Variants in QARS1 observed in about 807,000 individuals in gnomAD.
The protein encoded by QARS1 is glutaminyl-tRNA synthetase 1.
QARS1 carries 79 observed loss-of-function variants against 106.9 expected under a neutral mutation model. That is an observed-to-expected ratio of 0.74 (90% CI 0.62 to 0.89). The LOEUF (loss-of-function observed/expected upper bound fraction) is 0.89, where lower values mean the gene tolerates loss of function less well. Among genes scored for constraint, QARS1 ranks in the 40% least tolerant of loss-of-function variants. QARS1 has a pLI of 0.00. For synonymous variants in QARS1, 395 were observed against 367.7 expected, an observed-to-expected ratio of 1.07 and a Z score of -0.85; for missense variants, 966 against 997.2, an observed-to-expected ratio of 0.97 and a Z score of 0.42.
rs562453484 is a variant in QARS1 at position 49,098,077 on chromosome 3, G to C, written c.2192C>G (p.Ser731Cys). Reference protein sequence around the residue: ...HVVDAALVDCSVALAKPFDKF... With the variant: ...HVVDAALVDCCVALAKPFDKF... ...GTCGAAGGGTTTTGCCAGGGCCACAGAGCAGTCCACTAATGCTGCATCCAC... is the reference window on the plus strand; with the variant it reads ...GTCGAAGGGTTTTGCCAGGGCCACACAGCAGTCCACTAATGCTGCATCCAC... The change falls in exon 23 of 24, where the codon TCT (serine) becomes TGT (cysteine). Residue 731 changes from serine to cysteine, a missense_variant. By Grantham distance (112) the Ser-to-Cys change is moderately radical. Transcript: ENST00000306125. The C allele has an allele frequency of 3.7e-6, 6 of 1,614,180 alleles. No individual in the cohort carries two copies. In the South Asian group the frequency reaches 4.4e-5, roughly 12 times the overall value.
Position 49,104,626 on chromosome 3 carries a change from G to A in QARS1, c.108C>T (p.Ala36=), listed in dbSNP as rs1411622846. 3 of 1,603,058 alleles carry A rather than the reference G, an allele frequency of 1.9e-6. No homozygotes were observed. Among genetic ancestry groups the A allele is most frequent in the Non-Finnish European group, 2.6e-6 (3 of 1,171,760 alleles). The part of the protein sequence containing the change: ...NSALSAQLRE[A]ATQAQQTLGS... ...GCAGAGGGGCTCGCACCTGAGTAGCGGCCTCGCGCAGCTGCGCGCTCAGAG... is the reference window on the plus strand; with the variant it reads ...GCAGAGGGGCTCGCACCTGAGTAGCAGCCTCGCGCAGCTGCGCGCTCAGAG... Residue 36 remains alanine (A), a synonymous_variant, in exon 1 of 24, where the codon GCC becomes GCT. Coordinates refer to ENST00000306125, the MANE Select transcript of QARS1 (RefSeq NM_005051.3).
rs775375268 is a variant in QARS1, at chr3:49,098,626, C to A, written c.1930G>T (p.Val644Phe). ...QPVGLRHTGY[V>F]IELQHVVKGP... ...TTGACAACATGCTGCAGCTCAATGA[C>A]GTAGCCTGTATGCCTCAGGCCCACA... is the stretch of plus-strand genomic sequence containing the variant. Residue 644 changes from valine (V) to phenylalanine (F), a missense_variant, in exon 20 of 24, where the codon GTC becomes TTC. Coordinates refer to ENST00000306125, the MANE Select transcript of QARS1 (RefSeq NM_005051.3). The A allele has an allele frequency of 9.9e-6, 16 of 1,611,922 alleles. No homozygotes were observed. Among genetic ancestry groups the A allele is most frequent in the Non-Finnish European group, 1.4e-5 (16 of 1,178,944 alleles).
intron 14 of QARS1, 42 bp downstream of exon 14, chr3:49,099,917 GCC>G (rs536516115): frequency 1.9e-6 from 3 of 1,613,968 alleles, no homozygotes; most frequent in Non-Finnish European, 2.5e-6. Flanking sequence ...ATGGCCCATC[GCC>G]CTGCTCGGCA....
At position 49,098,777 on chromosome 3, in the gene QARS1, A is replaced by G. The variant is rs2042426087; in HGVS notation, c.1864-85T>C. 6 of 1,505,778 alleles carry G rather than the reference A, an allele frequency of 4.0e-6. No individual in the cohort carries two copies. The South Asian group carries it at 5.9e-5, about 15-fold the overall frequency. The allele number at this position is 1,505,778 out of a possible 1,614,324, so 93.3% of individuals were successfully genotyped here. ...TTCCCTACCCCCGTGTCTGGCAAAG[A>G]TTGGTTCATCTGAAGCAGGAAGTAG... On this transcript the variant is annotated intron_variant, in intron 19 of 23. Transcript: ENST00000306125.
intron 23 of QARS1, among the ~76,000 whole-genome samples, 187 bp from the exon 24 acceptor site, chr3:49,096,266 G>C (rs934913716): frequency 7.2e-5 from 11 of 152,220 alleles, no homozygotes; most frequent in African/African-American, 2.4e-4. Flanking sequence ...TGGGGCTCTA[G>C]GCTATAGTAT....
At chr3:49,101,239 G>T in intron 10 of QARS1, 116 bp downstream of exon 10, 1 of 788,382 alleles carries the variant, frequency 1.3e-6, no homozygotes, top group Non-Finnish European at 2.1e-6. Flanking sequence ...CCTTTCCATG[G>T]CCTCTGCCCA....
rs950782186 is a variant in QARS1 at position 49,096,008 on chromosome 3, G to T, written c.*21C>A. 1.2e-6 allele frequency: 2 copies of T among 1,612,616 alleles called. No individual in the cohort carries two copies. The highest frequency in any genetic ancestry group is 2.7e-5 in the African/African-American group (2 of 74,904). On this transcript the variant is annotated 3_prime_UTR_variant, in exon 24 of 24. Transcript: ENST00000306125. Reference sequence around the variant, plus strand: ...GTAGCCACACCCTCCAGGAGGATGAGGTAGGTTCAGTGCTTCCAGCTCACA... The same window carrying T: ...GTAGCCACACCCTCCAGGAGGATGATGTAGGTTCAGTGCTTCCAGCTCACA...
chr3:49,102,274 A>C lies in QARS1; in HGVS notation c.571-9T>G, dbSNP rs748508587. 6.2e-7 allele frequency: 1 copy of C among 1,614,224 alleles called. No individual in the cohort carries two copies. The highest frequency in any genetic ancestry group is 8.5e-7 in the Non-Finnish European group (1 of 1,180,044). ...AGCCGAGCTTTTGCCACCTGAAAGAAGCCCCAGGTGCTTCAGAAAATGGCA... is the reference window on the plus strand; with the variant it reads ...AGCCGAGCTTTTGCCACCTGAAAGACGCCCCAGGTGCTTCAGAAAATGGCA... On this transcript the variant is annotated splice_polypyrimidine_tract_variant and intron_variant, in intron 6 of 23. Transcript: ENST00000306125.
At position 49,104,726 on chromosome 3, in the gene QARS1, G is replaced by A. The variant is rs748155291; in HGVS notation, c.8C>T (p.Ala3Val). Reference sequence around the variant, plus strand: ...AGTGAAGAGCGACAGGGAGTCTAGAGCCGCCATTGCAGAGACACCGGAAAC... The same window carrying A: ...AGTGAAGAGCGACAGGGAGTCTAGAACCGCCATTGCAGAGACACCGGAAAC... MA[A>V]LDSLSLFTSL... The change falls in exon 1 of 24, where the codon GCT becomes GTT. Residue 3 changes from alanine to valine, a missense_variant. By Grantham distance (64) the Ala-to-Val change is moderately conservative. Transcript: ENST00000306125. 1.3e-5 allele frequency: 21 copies of A among 1,612,634 alleles called. No homozygotes were observed. The highest frequency in any genetic ancestry group is 9.3e-5 in the African/African-American group (7 of 74,926).
rs756458504 is a variant in QARS1 at position 49,098,906 on chromosome 3, A to C, written c.1842T>G (p.Ile614Met). ...TTACCTCCTTGAAGTCAGTCCTCTC[A>C]ATGAAGACAATGGGTGCAAAGGGAA... The part of the protein sequence containing the change: ...HQVPFAPIVF[I>M]ERTDFKEEPE... Residue 614 changes from isoleucine to methionine, a missense_variant, in exon 19 of 24, where the codon ATT (isoleucine) becomes ATG (methionine). Coordinates refer to ENST00000306125, the MANE Select transcript of QARS1 (RefSeq NM_005051.3). The C allele has an allele frequency of 6.2e-7, 1 of 1,613,780 alleles. No homozygotes were observed. Among genetic ancestry groups the C allele is most frequent in the Non-Finnish European group, 8.5e-7 (1 of 1,179,678 alleles).
chr3:49,097,958 C>G (rs2042412425), intron 23 of QARS1, 34 bp downstream of exon 23: 2 of 1,613,224 alleles, frequency 1.2e-6, no homozygotes, highest in South Asian at 2.2e-5. Flanking sequence ...ACTGTCACTG[C>G]TGCAGATGAG....
At chr3:49,100,946 T>C (rs973108912) in intron 10 of QARS1, among the ~76,000 whole-genome samples, 1 of 152,190 alleles carries the variant, frequency 6.6e-6, no homozygotes, top group African/African-American at 2.4e-5. Context: ...TTCACCATGT[T>C]GGCCAGATTG....
At chr3:49,099,939 C>T (rs775375108) in intron 14 of QARS1, 22 bp downstream of exon 14, 1 of 1,613,842 alleles carries the variant, frequency 6.2e-7, no homozygotes, top group Non-Finnish European at 8.5e-7. Flanking sequence ...AGCCCCACCA[C>T]CCCACCCCAT....
At chr3:49,102,139 G>C (rs1424879441) in intron 7 of QARS1, 66 bp downstream of exon 7, 1 of 1,589,214 alleles carries the variant, frequency 6.3e-7, no homozygotes, top group Admixed American at 1.7e-5. Context: ...AGCCTGTAAG[G>C]ACTCTTCTGA....
At chr3:49,102,151 G>A in intron 7 of QARS1, 54 bp downstream of exon 7, 1 of 1,601,080 alleles carries the variant, frequency 6.2e-7, no homozygotes, top group East Asian at 2.2e-5. Context: ...CTCTTCTGAG[G>A]AGGTTCAGAA....
rs771579029 is a variant in QARS1 at position 49,099,351 on chromosome 3, C to G, written c.1607G>C (p.Cys536Ser). The G allele has an allele frequency of 4.7e-5, 76 of 1,614,036 alleles. No individual in the cohort carries two copies. The highest frequency in any genetic ancestry group is 6.3e-5 in the Non-Finnish European group (74 of 1,180,022). ...CAACCTGCTGGGCTATACCCGGGCA[C>G]AGAAGTTGTTGATGGCCTCAGGTGG... The part of the protein sequence containing the change: ...GFPPEAINNF[C>S]ARVGVTVAQT... Residue 536 changes from cysteine to serine, a missense_variant, in exon 17 of 24, where the codon TGT (cysteine) becomes TCT (serine). Physicochemically the swap from Cys to Ser is moderately radical, Grantham distance 112. Coordinates refer to ENST00000306125, the MANE Select transcript of QARS1 (RefSeq NM_005051.3).
In QARS1 at chr3:49,098,342, T is replaced by C; in HGVS notation, c.2084+11A>G. 2 of 1,614,236 alleles carry C rather than the reference T, an allele frequency of 1.2e-6. No homozygotes were observed. The highest frequency in any genetic ancestry group is 1.7e-5 in the Admixed American group (1 of 60,028). On this transcript the variant is annotated intron_variant, in intron 21 of 23. Transcript: ENST00000306125. The stretch of plus-strand genomic sequence containing the variant: ...CTTGTACCTGCCCCCACCCCAGCTC[T>C]GTTCACTCACAGTCGCTCATAGAGG...
In QARS1 at chr3:49,104,638, C is replaced by G. The variant is rs201606430; in HGVS notation, c.96G>C (p.Gln32His). ...GCACCTGAGTAGCGGCCTCGCGCAGCTGCGCGCTCAGAGCCGAGTTCTTGA... is the reference window on the plus strand; with the variant it reads ...GCACCTGAGTAGCGGCCTCGCGCAGGTGCGCGCTCAGAGCCGAGTTCTTGA... ...ETLKNSALSA[Q>H]LREAATQAQQ... The change falls in exon 1 of 24, where the codon CAG (glutamine) becomes CAC (histidine). Residue 32 changes from glutamine to histidine, a missense_variant. By Grantham distance (24) the Gln-to-His change is conservative (BLOSUM62 0). Transcript: ENST00000306125. 11 of 1,606,070 alleles carry G rather than the reference C, an allele frequency of 6.8e-6. No homozygotes were observed. The highest frequency in any genetic ancestry group is 9.4e-6 in the Non-Finnish European group (11 of 1,174,210).
rs766497345 is a variant in QARS1, at chr3:49,101,875, G to C, written c.656C>G (p.Ser219Cys). ...CTCCCCCCGGAGCTGCTCCATCAGA[G>C]ACAGGGTCTGGTCAGCAGTCTCGCC... ...ENGETADQTL[S>C]LMEQLRGEAL... Residue 219 changes from serine (S) to cysteine (C), a missense_variant, in exon 8 of 24, where the codon TCT becomes TGT. By Grantham distance (112) the Ser-to-Cys change is moderately radical. Transcript: ENST00000306125. 2 of 1,612,372 alleles carry C rather than the reference G, an allele frequency of 1.2e-6. No individual in the cohort carries two copies. Among genetic ancestry groups the C allele is most frequent in the South Asian group, 1.1e-5 (1 of 90,828 alleles).
Sources: gnomAD v4.1 joint callset for allele counts (sites outside exome capture counted in the v4.1 genomes callset) on GRCh38, gnomAD v4.1.1 for gene constraint, MANE v1.5 for transcripts, NCBI Gene and HGNC (gene_info 2026-07-23, HGNC 2026-07-21) for gene names.